Variants in IER3IP1 observed in about 807,000 individuals in gnomAD.
IER3IP1 encodes the protein immediate early response 3 interacting protein 1.
A neutral mutation model predicts 12.2 loss-of-function variants in IER3IP1; 16 were observed. The ratio of observed to expected loss-of-function variants is 1.31; its 90% CI spans 0.89 to 1.99. The LOEUF (loss-of-function observed/expected upper bound fraction) is 1.99. Among genes scored for constraint, IER3IP1 ranks in the 30% most tolerant of loss-of-function variants. The pLI, the probability that IER3IP1 is intolerant of heterozygous loss-of-function variation, is 0.00. For synonymous variants in IER3IP1, 42 were observed against 40.0 expected (o/e 1.05, Z -0.19); for missense variants, 95 against 95.8 (o/e 0.99, Z 0.03).
rs150586939 is a variant in IER3IP1 at position 47,156,119 on chromosome 18, A to G, written c.*58T>C. 4.9e-3 allele frequency: 5,145 copies of G among 1,055,584 alleles called. 213 individuals carry two copies. In the East Asian group the frequency reaches 0.088, roughly 18 times the overall value. The allele number at this position is 1,055,584 out of a possible 1,614,324, so 65.4% of individuals were successfully genotyped here. A position where few individuals can be genotyped will look rare whatever the true frequency, so the allele number is the denominator to read the frequency against. On this transcript the variant is annotated 3_prime_UTR_variant, in exon 3 of 3. Coordinates refer to ENST00000256433, the MANE Select transcript of IER3IP1 (RefSeq NM_016097.5). ...AGATATAAATATTCCAATAATGACC[A>G]AAGTAATAACTTCTACTGGCATGTC...
chr18:47,157,273 G>GAAAA, intron 2 of IER3IP1, 163 bp downstream of exon 2: 8 of 501,234 alleles, frequency 1.6e-5, no homozygotes, highest in African/African-American at 3.5e-5. Flanking sequence ...AGCAAACTAA[G>GAAAA]AAAAAAAAAA....
At position 47,170,685 on chromosome 18, in the gene IER3IP1, A is replaced by G. The variant is rs1453332987; in HGVS notation, c.91+5502T>C. 4.6e-5 allele frequency among the ~76,000 whole-genome samples: 7 copies of G among 152,016 alleles called. No individual in the cohort carries two copies. The East Asian group carries it at 1.3e-3, about 29-fold the overall frequency. On this transcript the variant is annotated intron_variant, in intron 1 of 2. Transcript: ENST00000256433. ...AATTATTTCCTTTATTTCATTTACA[A>G]TTGTTCATTGTGCACAGAAAAACAA...
rs916586551 is a variant in IER3IP1, at chr18:47,156,170, C to T, written c.*7G>A. ...CTCTTCTGAGTCTCCATTTTCTCCACTGATATTCATCCAAATAATAAAAGT... is the reference window on the plus strand; with the variant it reads ...CTCTTCTGAGTCTCCATTTTCTCCATTGATATTCATCCAAATAATAAAAGT... On this transcript the variant is annotated 3_prime_UTR_variant, in exon 3 of 3. Coordinates refer to ENST00000256433, the MANE Select transcript of IER3IP1 (RefSeq NM_016097.5). The T allele has an allele frequency of 3.6e-5, 54 of 1,503,914 alleles. No homozygotes were observed. Among genetic ancestry groups the T allele is most frequent in the Non-Finnish European group, 4.7e-5 (51 of 1,080,054 alleles). 93.2% of individuals were successfully genotyped at this position (1,503,914 alleles called of 1,614,324 possible). A position where few individuals can be genotyped will look rare whatever the true frequency, so the allele number is the denominator to read the frequency against.
intron 1 of IER3IP1, among the ~76,000 whole-genome samples, chr18:47,159,622 AAAAG>A (rs1158016382): frequency 6.6e-6 from 1 of 152,206 alleles, no homozygotes; most frequent in Non-Finnish European, 1.5e-5. Flanking sequence ...CTGAAAAAGA[AAAAG>A]AAGAAAGCTG....
At chr18:47,167,887 G>T (rs2064001038) in intron 1 of IER3IP1, among the ~76,000 whole-genome samples, 1 of 152,008 alleles carries the variant, frequency 6.6e-6, no homozygotes, top group Non-Finnish European at 1.5e-5. Context: ...ACTTTAGGAA[G>T]CCGACGCGGG....
chr18:47,168,367 C>T (rs1025951861), intron 1 of IER3IP1, among the ~76,000 whole-genome samples: 4 of 150,122 alleles, frequency 2.7e-5, no homozygotes, highest in Non-Finnish European at 5.9e-5. Flanking sequence ...TAATCAAAGA[C>T]TTGTTATTAA....
intron 2 of IER3IP1, 97 bp downstream of exon 2, chr18:47,157,339 C>A: frequency 1.0e-6 from 1 of 985,770 alleles, no homozygotes; most frequent in South Asian, 1.4e-5. Context: ...AAAAAATTCC[C>A]ACTACAAATG....
chr18:47,161,045 C>T (rs1353666968), intron 1 of IER3IP1, among the ~76,000 whole-genome samples: 5 of 152,176 alleles, frequency 3.3e-5, no homozygotes, highest in Admixed American at 1.3e-4. Flanking sequence ...CTCTTGTCCT[C>T]ATTTCAGGTC....
At position 47,153,144 on chromosome 18, in the gene IER3IP1, T is replaced by G. The variant is rs949585727; in HGVS notation, c.*3033A>C. The G allele has an allele frequency of 6.6e-6, 1 of 152,224 alleles. No individual in the cohort carries two copies. The highest frequency in any genetic ancestry group is 6.5e-5 in the Admixed American group (1 of 15,282). 9.4% of individuals were successfully genotyped at this position (152,224 alleles called of 1,614,324 possible). On this transcript the variant is annotated 3_prime_UTR_variant, in exon 3 of 3. Coordinates refer to ENST00000256433, the MANE Select transcript of IER3IP1 (RefSeq NM_016097.5). ...ACCAGTAATACACATCTAACACATA[T>G]AGAACACAGATTGCCTACTCTTATT...
rs929539253 is a variant in IER3IP1, at chr18:47,159,152, G to A, written c.92-1615C>T. On this transcript the variant is annotated intron_variant, in intron 1 of 2. Coordinates refer to ENST00000256433, the MANE Select transcript of IER3IP1 (RefSeq NM_016097.5). ...AGCAGGTGAACCATATTCACAAAGA[G>A]GTCAAAAAGGAAATGTATAAACACA... is the stretch of plus-strand genomic sequence containing the variant. 6.6e-5 allele frequency among the ~76,000 whole-genome samples: 10 copies of A among 152,110 alleles called. 1 individual carries two copies. In the South Asian group the frequency reaches 2.1e-3, roughly 32 times the overall value.
intron 1 of IER3IP1, among the ~76,000 whole-genome samples, chr18:47,168,117 C>A (rs1201411564): frequency 9.5e-6 from 1 of 105,608 alleles, no homozygotes; most frequent in Admixed American, 1.3e-4. Context: ...CAGAGCAAGA[C>A]TCCGTCTCAA....
intron 1 of IER3IP1, among the ~76,000 whole-genome samples, chr18:47,164,791 C>CAA (rs138559873): frequency 0.053 from 7,788 of 147,536 alleles, 241 homozygotes; most frequent in East Asian, 0.092. Context: ...AAAAAAAAAA[C>CAA]AAGAGAGAGA....
chr18:47,158,137 G>A (rs1568070928), intron 1 of IER3IP1, among the ~76,000 whole-genome samples: 1 of 152,060 alleles, frequency 6.6e-6, no homozygotes, highest in Non-Finnish European at 1.5e-5. Flanking sequence ...AAAATGACAA[G>A]AAATATCAAA....
At chr18:47,162,336 C>T (rs908771678) in intron 1 of IER3IP1, among the ~76,000 whole-genome samples, 1 of 152,198 alleles carries the variant, frequency 6.6e-6, no homozygotes, top group African/African-American at 2.4e-5. Context: ...TTCCAAAGAG[C>T]TTCTCAGTCC....
At chr18:47,168,709 T>G (rs1047366310) in intron 1 of IER3IP1, among the ~76,000 whole-genome samples, 1 of 152,180 alleles carries the variant, frequency 6.6e-6, no homozygotes, top group African/African-American at 2.4e-5. Context: ...ATACATGTCT[T>G]TTGGTGCACA....
chr18:47,158,993 C>CT (rs2063970774), intron 1 of IER3IP1, among the ~76,000 whole-genome samples: 1 of 151,348 alleles, frequency 6.6e-6, no homozygotes, highest in South Asian at 2.1e-4. Flanking sequence ...GCAAATGTGT[C>CT]ATTTGAGAAA....
chr18:47,154,929 C>G lies in IER3IP1; in HGVS notation c.*1248G>C, dbSNP rs1351910765. The G allele has an allele frequency of 2.0e-5, 3 of 152,094 alleles. No homozygotes were observed. Among genetic ancestry groups the G allele is most frequent in the Non-Finnish European group, 2.9e-5 (2 of 68,018 alleles). The allele number at this position is 152,094 out of a possible 1,614,324, so 9.4% of individuals were successfully genotyped here. Reference sequence around the variant, plus strand: ...ACATGTAAATATTTACTTTCATTAACTCTATACTCGGCAATTTTACAGCAA... The same window carrying G: ...ACATGTAAATATTTACTTTCATTAAGTCTATACTCGGCAATTTTACAGCAA... On this transcript the variant is annotated 3_prime_UTR_variant, in exon 3 of 3. Transcript: ENST00000256433.
chr18:47,158,796 A>G (rs935729955), intron 1 of IER3IP1, among the ~76,000 whole-genome samples: 3 of 151,816 alleles, frequency 2.0e-5, no homozygotes, highest in Non-Finnish European at 4.4e-5. Context: ...CCCTGTCTCT[A>G]CTAAAAATAC....
intron 1 of IER3IP1, among the ~76,000 whole-genome samples, chr18:47,166,250 T>C (rs1463434486): frequency 6.6e-6 from 1 of 152,190 alleles, no homozygotes; most frequent in East Asian, 1.9e-4. Context: ...AAGAATATAA[T>C]GATAAAGTTA....
Sources: allele counts gnomAD v4.1 joint callset (sites outside exome capture counted in the v4.1 genomes callset), GRCh38; gene constraint gnomAD v4.1.1; transcripts MANE v1.5; gene names NCBI Gene and HGNC (gene_info 2026-07-23, HGNC 2026-07-21).